Variants in ATG4A observed in about 807,000 individuals in gnomAD.
ATG4A encodes the protein cysteine protease ATG4A.
In ATG4A, 22 loss-of-function variants were observed where a neutral mutation model predicts 38.4. That is an observed-to-expected ratio of 0.57 (90% CI 0.41 to 0.82). ATG4A has a LOEUF of 0.82. Among genes scored for constraint, ATG4A ranks in the 40% least tolerant of loss-of-function variants. ATG4A has a pLI of 0.00. For missense variants in ATG4A, 220 were observed against 290.0 expected (o/e 0.76, Z 1.75); for synonymous variants, 86 against 100.7 (o/e 0.85, Z 0.88).
chrX:108,137,535 G>A (rs753576617), intron 7 of ATG4A, among the ~76,000 whole-genome samples: 2 of 112,134 alleles, frequency 1.8e-5, no homozygotes, highest in South Asian at 7.5e-4. Flanking sequence ...AAAGGCCCTG[G>A]CAGACTTGAG....
intron 1 of ATG4A, 91 bp downstream of exon 1, chrX:108,091,927 CGGGGGCAG>C: frequency 8.5e-7 from 1 of 1,175,490 alleles, no homozygotes; most frequent in Non-Finnish European, 1.1e-6. Context: ...GAAACAGGTT[CGGGGGCAG>C]GGCAAGAGTT....
chrX:108,106,198 A>G (rs748613585), intron 1 of ATG4A, among the ~76,000 whole-genome samples: 2 of 109,701 alleles, frequency 1.8e-5, no homozygotes, highest in Non-Finnish European at 3.8e-5. Flanking sequence ...ATTTAGAGGT[A>G]TGTTGTTTAA....
chrX:108,106,729 T>C (rs893023287), intron 1 of ATG4A, among the ~76,000 whole-genome samples: 2 of 112,337 alleles, frequency 1.8e-5, no homozygotes, highest in Non-Finnish European at 3.8e-5. Flanking sequence ...TTGGACTCCA[T>C]GGTTCCTCTT....
rs746647029 is a variant in ATG4A, at chrX:108,142,505, T to TAC, written c.814+4332_814+4333dup. On this transcript the variant is annotated intron_variant, in intron 9 of 12. Coordinates refer to ENST00000372232, the MANE Select transcript of ATG4A (RefSeq NM_052936.5). Reference sequence around the variant, plus strand: ...TGTGTGTGTGTGTATATAACATACATACACACACACACACACACATATATA... The same window carrying TAC: ...TGTGTGTGTGTGTATATAACATACATACACACACACACACACACACATATATA... Among the ~76,000 whole-genome samples the TAC allele has an allele frequency of 2.9e-3, 314 of 106,625 alleles. 1 individual carries two copies. The highest frequency in any genetic ancestry group is 8.0e-3 in the African/African-American group (235 of 29,259). 92.6% of individuals were successfully genotyped at this position (106,625 alleles called of 115,157 possible).
chrX:108,122,969 A>G (rs1233726976), intron 1 of ATG4A, among the ~76,000 whole-genome samples: 2 of 112,260 alleles, frequency 1.8e-5, no homozygotes, highest in Admixed American at 1.9e-4. Context: ...TGAGCTTGGC[A>G]TAAGCAGAAA....
chrX:108,108,971 G>A (rs780282557), intron 1 of ATG4A, among the ~76,000 whole-genome samples: 1 of 111,921 alleles, frequency 8.9e-6, no homozygotes, highest in Non-Finnish European at 1.9e-5. Context: ...TATGAGCATG[G>A]GTGTGCAAAT....
At chrX:108,131,412 C>G in intron 4 of ATG4A, 54 bp downstream of exon 4, 7 of 1,106,726 alleles carry the variant, frequency 6.3e-6, no homozygotes, top group Non-Finnish European at 8.7e-6. Context: ...GTATCACTTG[C>G]TGCTGTTGAT....
intron 1 of ATG4A, among the ~76,000 whole-genome samples, chrX:108,098,817 A>T (rs898702718): frequency 1.8e-5 from 2 of 112,208 alleles, no homozygotes; most frequent in South Asian, 3.7e-4. Context: ...TGGTATCAAT[A>T]GTTCATTCCC....
At chrX:108,141,037 T>TACACATATATATACGTATATATAC (rs769091998) in intron 9 of ATG4A, among the ~76,000 whole-genome samples, 4 of 72,760 alleles carry the variant, frequency 5.5e-5, no homozygotes, top group African/African-American at 2.2e-4. Context: ...TATACATATA[T>TACACATATATATACGTATATATAC]ACATATATAT....
At chrX:108,142,509 C>A (rs755348033) in intron 9 of ATG4A, among the ~76,000 whole-genome samples, 1 of 109,212 alleles carries the variant, frequency 9.2e-6, no homozygotes, top group Admixed American at 9.8e-5. Flanking sequence ...CATACATACA[C>A]ACACACACAC....
In ATG4A at chrX:108,119,965, A is replaced by G. The variant is rs1266225994; in HGVS notation, c.11-6112A>G. Among the ~76,000 whole-genome samples, 4 of 111,753 alleles carry G rather than the reference A, an allele frequency of 3.6e-5. 1 individual carries two copies. Among genetic ancestry groups the G allele is most frequent in the African/African-American group, 9.8e-5 (3 of 30,753 alleles). On this transcript the variant is annotated intron_variant, in intron 1 of 12. Coordinates refer to ENST00000372232, the MANE Select transcript of ATG4A (RefSeq NM_052936.5). ...TACCATGGAAGCTTTCTTTTAACCC[A>G]CTGCATGGCTTGGCAGCGGCACTAA...
At chrX:108,135,267 G>A (rs902605099) in intron 6 of ATG4A, among the ~76,000 whole-genome samples, 1 of 112,259 alleles carries the variant, frequency 8.9e-6, no homozygotes, top group Non-Finnish European at 1.9e-5. Flanking sequence ...ATAAGTGCTC[G>A]ATGAATACAT....
intron 4 of ATG4A, 37 bp from the exon 5 acceptor site, chrX:108,134,020 T>C (rs1311023812): frequency 2.8e-6 from 3 of 1,057,203 alleles, no homozygotes; most frequent in African/African-American, 3.8e-5. Context: ...TAAACAGTTA[T>C]AAAAATGTTT....
chrX:108,118,071 A>G (rs2032555784), intron 1 of ATG4A, among the ~76,000 whole-genome samples: 1 of 112,673 alleles, frequency 8.9e-6, no homozygotes, highest in Non-Finnish European at 1.9e-5. Context: ...TATGTGAATT[A>G]TATTGTTAAT....
rs183961618 is a variant in ATG4A at position 108,129,523 on chromosome X, C to G, written c.193+671C>G. Among the ~76,000 whole-genome samples, 3 of 110,222 alleles carry G rather than the reference C, an allele frequency of 2.7e-5. No homozygotes were observed. In the East Asian group the frequency reaches 8.5e-4, roughly 31 times the overall value. On this transcript the variant is annotated intron_variant, in intron 3 of 12. Coordinates refer to ENST00000372232, the MANE Select transcript of ATG4A (RefSeq NM_052936.5). ...GGAAACTAGAATGAAATCAACCTTTCTGTTCAGTGCCAAAAATGAAGGTCA... is the reference window on the plus strand; with the variant it reads ...GGAAACTAGAATGAAATCAACCTTTGTGTTCAGTGCCAAAAATGAAGGTCA...
At chrX:108,094,316 C>T (rs2031735410) in intron 1 of ATG4A, among the ~76,000 whole-genome samples, 1 of 111,810 alleles carries the variant, frequency 8.9e-6, no homozygotes, top group African/African-American at 3.3e-5. Context: ...GCACCATTTG[C>T]TGAATCTCTT....
intron 9 of ATG4A, among the ~76,000 whole-genome samples, chrX:108,141,252 C>T (rs918772108): frequency 9.6e-6 from 1 of 104,557 alleles, no homozygotes; most frequent in Non-Finnish European, 1.9e-5. Context: ...CTATCCCTGC[C>T]ACCATGGCCA....
At chrX:108,124,750 G>T (rs749973484) in intron 1 of ATG4A, among the ~76,000 whole-genome samples, 23 of 111,649 alleles carry the variant, frequency 2.1e-4, no homozygotes, top group Non-Finnish European at 3.2e-4. Flanking sequence ...GATCAGAACA[G>T]ACTCATTTTT....
chrX:108,140,977 CATAT>C (rs1352281689), intron 9 of ATG4A, among the ~76,000 whole-genome samples: 1 of 85,129 alleles, frequency 1.2e-5, no homozygotes, highest in Admixed American at 1.4e-4. Context: ...CATATATACA[CATAT>C]ATATACGTAT....
Sources: gnomAD v4.1 joint callset for allele counts (sites outside exome capture counted in the v4.1 genomes callset) on GRCh38, gnomAD v4.1.1 for gene constraint, MANE v1.5 for transcripts, NCBI Gene and HGNC (gene_info 2026-07-23, HGNC 2026-07-21) for gene names.